Variants in EDA observed in about 807,000 individuals in gnomAD.
EDA encodes the protein ectodysplasin A.
A neutral mutation model predicts 23.6 loss-of-function variants in EDA; 2 were observed. The observed-to-expected ratio is 0.08, with a 90% confidence interval of 0.03 to 0.27. EDA has a LOEUF of 0.27. EDA is among the 10% of genes least tolerant of loss of function. The pLI is 1.00. For synonymous variants in EDA, 131 were observed against 132.0 expected, an observed-to-expected ratio of 0.99 and a Z score of 0.05; for missense variants, 229 against 324.2, an observed-to-expected ratio of 0.71 and a Z score of 2.26.
chrX:69,951,758 A>C (rs912585775), intron 1 of EDA, among the ~76,000 whole-genome samples: 2 of 112,226 alleles, frequency 1.8e-5, no homozygotes, highest in Non-Finnish European at 3.8e-5. Flanking sequence ...CTCATGTCTC[A>C]CTATGAACGA....
intron 1 of EDA, among the ~76,000 whole-genome samples, chrX:69,752,560 A>C (rs368648183): frequency 8.9e-5 from 10 of 111,766 alleles, no homozygotes; most frequent in African/African-American, 2.6e-4. Context: ...TGTCTCTGCC[A>C]GGCTTTGGTA....
At chrX:69,932,762 C>G (rs1046309622) in intron 1 of EDA, among the ~76,000 whole-genome samples, 3 of 111,468 alleles carry the variant, frequency 2.7e-5, no homozygotes, top group Non-Finnish European at 3.8e-5. Context: ...CTGAGATTAC[C>G]TTTCACTCTA....
At chrX:69,654,460 G>C (rs1404437336) in intron 1 of EDA, among the ~76,000 whole-genome samples, 1 of 111,622 alleles carries the variant, frequency 9.0e-6, no homozygotes, top group East Asian at 2.8e-4. Context: ...TATACCCAAA[G>C]GATTATAAAT....
At chrX:69,927,774 T>G (rs2018543982) in intron 1 of EDA, among the ~76,000 whole-genome samples, 2 of 110,394 alleles carry the variant, frequency 1.8e-5, no homozygotes, top group African/African-American at 6.6e-5. Context: ...CTTTTAACAC[T>G]AATTTAGGTC....
At position 69,924,423 on chromosome X, in the gene EDA, C is replaced by T. The variant is rs747430161; in HGVS notation, c.397-32604C>T. 3.8e-4 allele frequency among the ~76,000 whole-genome samples: 5 copies of T among 13,016 alleles called. No homozygotes were observed. The East Asian group carries it at 0.023, about 61-fold the overall frequency. 11.3% of individuals were successfully genotyped at this position (13,016 alleles called of 115,157 possible). On this transcript the variant is annotated intron_variant, in intron 1 of 7. Coordinates refer to ENST00000374552, the MANE Select transcript of EDA (RefSeq NM_001399.5). ...CTCAACACAATTTATCCCATTGCCTCTTTTTGTCAGGCTTGTCGACAATCA... is the reference window on the plus strand; with the variant it reads ...CTCAACACAATTTATCCCATTGCCTTTTTTTGTCAGGCTTGTCGACAATCA...
chrX:70,005,773 C>T (rs1373019612), intron 2 of EDA, among the ~76,000 whole-genome samples: 9 of 110,746 alleles, frequency 8.1e-5, no homozygotes, highest in Non-Finnish European at 5.7e-5. Context: ...TGCTTTTAAA[C>T]TAGTGGATGT....
At chrX:69,825,853 T>G (rs1402534465) in intron 1 of EDA, among the ~76,000 whole-genome samples, 2 of 110,920 alleles carry the variant, frequency 1.8e-5, no homozygotes, top group Admixed American at 9.6e-5. Flanking sequence ...TAAATTTCCC[T>G]CTACACACTG....
chrX:69,793,975 G>C (rs1002404794), intron 1 of EDA, among the ~76,000 whole-genome samples: 1 of 111,602 alleles, frequency 9.0e-6, no homozygotes, highest in Admixed American at 9.5e-5. Context: ...GTTTGAGCTT[G>C]TGCTTCCTGC....
At chrX:69,903,464 A>C (rs985752575) in intron 1 of EDA, among the ~76,000 whole-genome samples, 1 of 110,533 alleles carries the variant, frequency 9.0e-6, no homozygotes, top group Admixed American at 9.7e-5. Context: ...TGGTTCTTAG[A>C]GTTTTGGAGC....
intron 1 of EDA, among the ~76,000 whole-genome samples, chrX:69,923,508 T>C (rs2018467082): frequency 8.9e-6 from 1 of 112,043 alleles, no homozygotes; most frequent in South Asian, 3.8e-4. Flanking sequence ...ATGGTGTATA[T>C]GTGCCACATT....
chrX:69,642,102 GGAGGAGGAGGAGGAA>G (rs1211591471), intron 1 of EDA, among the ~76,000 whole-genome samples: 1 of 110,959 alleles, frequency 9.0e-6, no homozygotes. Context: ...AGTAGTAGTT[GGAGGAGGAGGAGGAA>G]GAGGAGGAGG....
At chrX:69,711,473 G>T (rs896914884) in intron 1 of EDA, among the ~76,000 whole-genome samples, 1 of 111,244 alleles carries the variant, frequency 9.0e-6, no homozygotes, top group Non-Finnish European at 1.9e-5. Context: ...TTGTGTCTCC[G>T]CCAGGCTTTG....
At chrX:69,918,591 C>T (rs2018380633) in intron 1 of EDA, among the ~76,000 whole-genome samples, 1 of 112,250 alleles carries the variant, frequency 8.9e-6, no homozygotes. Flanking sequence ...AAAAAGAGAA[C>T]CTTCACTCCT....
In EDA at chrX:70,028,092, C is replaced by G. The variant is rs2020144200; in HGVS notation, c.706+56C>G. 4.3e-6 allele frequency: 5 copies of G among 1,173,774 alleles called. No individual in the cohort carries two copies. In the South Asian group the frequency reaches 9.5e-5, roughly 22 times the overall value. Reference sequence around the variant, plus strand: ...GTGCCTTTAAAGTACTTTAGGAGAGCAGGAGTGGGTGATCCTGAGAGCAGT... The same window carrying G: ...GTGCCTTTAAAGTACTTTAGGAGAGGAGGAGTGGGTGATCCTGAGAGCAGT... On this transcript the variant is annotated intron_variant, in intron 4 of 7. Coordinates refer to ENST00000374552, the MANE Select transcript of EDA (RefSeq NM_001399.5).
chrX:69,636,753 TTTG>T (rs965891929), intron 1 of EDA, among the ~76,000 whole-genome samples: 1 of 110,478 alleles, frequency 9.1e-6, no homozygotes, highest in Non-Finnish European at 1.9e-5. Flanking sequence ...ACTGTAACTT[TTTG>T]TTGTCATACT....
chrX:69,663,256 A>G (rs1391427375), intron 1 of EDA, among the ~76,000 whole-genome samples: 1 of 111,844 alleles, frequency 8.9e-6, no homozygotes, highest in East Asian at 2.8e-4. Flanking sequence ...AAGGCATAAG[A>G]GGAAAAATTG....
chrX:69,807,570 A>G (rs2015844079), intron 1 of EDA, among the ~76,000 whole-genome samples: 1 of 107,338 alleles, frequency 9.3e-6, no homozygotes, highest in South Asian at 4.2e-4. Flanking sequence ...TTTCATCCAG[A>G]GTAATCTAAA....
In EDA at chrX:70,001,580, A is replaced by G. The variant is rs140411755; in HGVS notation, c.503-21638A>G. ...CTCTGATGATTTATGTCACATCCCA[A>G]AAGTAGATTCCCTTCTGACTCCTAT... On this transcript the variant is annotated intron_variant, in intron 2 of 7. Transcript: ENST00000374552. Among the ~76,000 whole-genome samples the G allele has an allele frequency of 9.9e-3, 1,111 of 112,073 alleles. 18 individuals are homozygous for G. The highest frequency in any genetic ancestry group is 0.035 in the African/African-American group (1,070 of 30,842).
intron 1 of EDA, among the ~76,000 whole-genome samples, chrX:69,621,152 G>A (rs1270499636): frequency 9.0e-6 from 1 of 111,567 alleles, no homozygotes; most frequent in Non-Finnish European, 1.9e-5. Context: ...CTTAGATCTT[G>A]TGAAAAAATA....
Sources: allele counts gnomAD v4.1 joint callset (sites outside exome capture counted in the v4.1 genomes callset), GRCh38; gene constraint gnomAD v4.1.1; transcripts MANE v1.5; gene names NCBI Gene and HGNC (gene_info 2026-07-23, HGNC 2026-07-21).